SIK2: variants seen among roughly 807,000 people sequenced by gnomAD.
SIK2 encodes the protein serine/threonine-protein kinase SIK2.
In SIK2, 29 loss-of-function variants were observed where a neutral mutation model predicts 103.2. That is an observed-to-expected ratio of 0.28 (90% confidence interval 0.21 to 0.38). SIK2 has a LOEUF of 0.38. SIK2 is among the 10% of genes least tolerant of loss of function. The pLI is 1.00. For synonymous variants in SIK2, 412 were observed against 446.1 expected, an observed-to-expected ratio of 0.92 and a Z score of 0.96; for missense variants, 879 against 1,171.0, an observed-to-expected ratio of 0.75 and a Z score of 3.64.
intron 3 of SIK2, among the ~76,000 whole-genome samples, chr11:111,638,163 C>T (rs183255465): frequency 7.6e-4 from 115 of 152,300 alleles, no homozygotes; most frequent in Admixed American, 6.5e-3. Flanking sequence ...AGCCTGGTTG[C>T]CATAGTTTTG....
At chr11:111,721,373 A>G (rs1943796444) in intron 12 of SIK2, among the ~76,000 whole-genome samples, 1 of 152,050 alleles carries the variant, frequency 6.6e-6, no homozygotes, top group Admixed American at 6.5e-5. Flanking sequence ...TGCCACACAC[A>G]CACCCAAATG....
At chr11:111,672,042 C>G in intron 3 of SIK2, 1 of 515,828 alleles carries the variant, frequency 1.9e-6, no homozygotes. Flanking sequence ...CCTTGTTCTG[C>G]TGCTCCAGGA....
At chr11:111,614,196 C>T (rs937889820) in intron 1 of SIK2, among the ~76,000 whole-genome samples, 2 of 151,964 alleles carry the variant, frequency 1.3e-5, no homozygotes, top group Middle Eastern at 3.2e-3. Flanking sequence ...ATTCTCCTGC[C>T]TCAGTCTCCC....
At position 111,620,401 on chromosome 11, in the gene SIK2, T is replaced by C; in HGVS notation, c.315T>C (p.Phe105=). 10 of 1,587,734 alleles carry C rather than the reference T, an allele frequency of 6.3e-6. No homozygotes were observed. The highest frequency in any genetic ancestry group is 8.6e-6 in the Non-Finnish European group (10 of 1,167,758). ...VTEYAKNGEI[F]DYLANHGRLN... Reference sequence around the variant, plus strand: ...AATATGCCAAAAATGGAGAAATTTTTGGTAAGCTTTTTCCTTTAAATTTTC... The same window carrying C: ...AATATGCCAAAAATGGAGAAATTTTCGGTAAGCTTTTTCCTTTAAATTTTC... The change falls in exon 3 of 15, where the codon TTT becomes TTC. Residue 105 remains phenylalanine (F), a splice_region_variant and synonymous_variant. Coordinates refer to ENST00000304987, the MANE Select transcript of SIK2 (RefSeq NM_015191.3).
intron 12 of SIK2, 117 bp from the exon 13 acceptor site, chr11:111,721,713 A>T: frequency 1.5e-6 from 1 of 669,906 alleles, no homozygotes; most frequent in Non-Finnish European, 2.5e-6. Context: ...TTTGAGTATT[A>T]ATAAGTCTCA....
At chr11:111,629,006 T>C (rs1263071996) in intron 3 of SIK2, among the ~76,000 whole-genome samples, 1 of 152,050 alleles carries the variant, frequency 6.6e-6, no homozygotes, top group African/African-American at 2.4e-5. Context: ...AGGGAGTTTT[T>C]TAGGAAGATA....
intron 3 of SIK2, among the ~76,000 whole-genome samples, chr11:111,660,914 GGATTT>G (rs1027862627): frequency 2.2e-5 from 3 of 137,176 alleles, no homozygotes; most frequent in African/African-American, 8.0e-5. Flanking sequence ...TTCCCAGGCT[GGATTT>G]GAACTCCTGG....
intron 1 of SIK2, among the ~76,000 whole-genome samples, chr11:111,615,604 T>G (rs1277279049): frequency 1.3e-5 from 2 of 152,220 alleles, no homozygotes; most frequent in East Asian, 3.8e-4. Flanking sequence ...TTGGAATTGT[T>G]TGGGCTCCTC....
At chr11:111,618,337 A>C (rs1941835858) in intron 2 of SIK2, among the ~76,000 whole-genome samples, 1 of 152,164 alleles carries the variant, frequency 6.6e-6, no homozygotes, top group Non-Finnish European at 1.5e-5. Context: ...CCAGTCTGTG[A>C]CCCGGCGGTT....
intron 10 of SIK2, 118 bp downstream of exon 10, chr11:111,720,121 T>C: frequency 1.0e-6 from 1 of 995,512 alleles, no homozygotes; most frequent in South Asian, 1.5e-5. Context: ...CTTATTCCTT[T>C]ATGGATTAGA....
In SIK2 at chr11:111,720,968, T is replaced by C; in HGVS notation, c.1850T>C (p.Val617Ala). Reference protein sequence around the residue: ...RTKGILELNKVQLLYEQIGPE... With the variant: ...RTKGILELNKAQLLYEQIGPE... ...AAAGGAATTCTAGAGTTGAACAAAG[T>C]GCAGTTGTTGTATGAACAAATAGGA... Residue 617 changes from valine to alanine, a missense_variant, in exon 12 of 15, where the codon GTG (valine) becomes GCG (alanine). Physicochemically the swap from Val to Ala is moderately conservative, Grantham distance 64 (BLOSUM62 0). Coordinates refer to ENST00000304987, the MANE Select transcript of SIK2 (RefSeq NM_015191.3). 1 of 1,614,182 alleles carries C rather than the reference T, an allele frequency of 6.2e-7. No individual in the cohort carries two copies. The highest frequency in any genetic ancestry group is 8.5e-7 in the Non-Finnish European group (1 of 1,180,030).
At chr11:111,704,208 A>T (rs1477451063) in intron 7 of SIK2, among the ~76,000 whole-genome samples, 1 of 152,120 alleles carries the variant, frequency 6.6e-6, no homozygotes, top group Admixed American at 6.5e-5. Flanking sequence ...CTTGTCCATG[A>T]AGTGCATCCT....
intron 1 of SIK2, among the ~76,000 whole-genome samples, chr11:111,604,011 GC>G (rs1364533883): frequency 6.6e-6 from 1 of 152,220 alleles, no homozygotes; most frequent in Non-Finnish European, 1.5e-5. Context: ...TTTACTTTTT[GC>G]CTTCCCCTGC....
chr11:111,706,273 A>G (rs1943343584), intron 8 of SIK2, among the ~76,000 whole-genome samples: 1 of 152,226 alleles, frequency 6.6e-6, no homozygotes, highest in Admixed American at 6.5e-5. Context: ...CTGGGGAGGA[A>G]GGGACAATAT....
At chr11:111,644,732 C>T (rs1942232497) in intron 3 of SIK2, among the ~76,000 whole-genome samples, 1 of 152,180 alleles carries the variant, frequency 6.6e-6, no homozygotes, top group African/African-American at 2.4e-5. Flanking sequence ...TAAACTAACA[C>T]ACTTAAAAGC....
Position 111,606,956 on chromosome 11 carries a change from G to GAAA in SIK2, c.135+4269_135+4271dup, listed in dbSNP as rs61590310. ...TAGCAAGACCCAGTCTCATTAAAAA[G>GAAA]AAAAAAAAAAAAACTTATAAATAAA... On this transcript the variant is annotated intron_variant, in intron 1 of 14. Coordinates refer to ENST00000304987, the MANE Select transcript of SIK2 (RefSeq NM_015191.3). Among the ~76,000 whole-genome samples the GAAA allele has an allele frequency of 7.7e-3, 1,074 of 139,292 alleles. 5 individuals are homozygous for GAAA. Among genetic ancestry groups the GAAA allele is most frequent in the Non-Finnish European group, 0.01 (667 of 64,968 alleles). 91.4% of individuals were successfully genotyped at this position (139,292 alleles called of 152,430 possible).
chr11:111,688,281 T>G lies in SIK2; in HGVS notation c.478+119T>G. On this transcript the variant is annotated intron_variant, in intron 4 of 14. Coordinates refer to ENST00000304987, the MANE Select transcript of SIK2 (RefSeq NM_015191.3). The surrounding 1 kb of genome is among the most constrained non-coding windows in gnomAD (Gnocchi z 4.2). ...TTCTACCTGATGACATCAGGCTATC[T>G]CAAAGTCCATTTTATTCATTTCCTT... The G allele has an allele frequency of 1.1e-6, 1 of 947,694 alleles. No individual in the cohort carries two copies. The highest frequency in any genetic ancestry group is 1.6e-6 in the Non-Finnish European group (1 of 624,962). 58.7% of individuals were successfully genotyped at this position (947,694 alleles called of 1,614,324 possible). A position where few individuals can be genotyped will look rare whatever the true frequency, so the allele number is the denominator to read the frequency against.
intron 3 of SIK2, among the ~76,000 whole-genome samples, chr11:111,659,242 T>C (rs1219824761): frequency 6.6e-6 from 1 of 152,230 alleles, no homozygotes; most frequent in Non-Finnish European, 1.5e-5. Flanking sequence ...TGGAGACATT[T>C]TTTGTCTCTC....
intron 3 of SIK2, among the ~76,000 whole-genome samples, chr11:111,687,710 A>G (rs1365944526): frequency 6.6e-6 from 1 of 150,562 alleles, no homozygotes; most frequent in East Asian, 2.0e-4. Flanking sequence ...GGTTCACACC[A>G]TTCTCCTGCC....
Sources: gnomAD v4.1 joint callset for allele counts (sites outside exome capture counted in the v4.1 genomes callset) on GRCh38, gnomAD v4.1.1 for gene constraint, Gnocchi (gnomAD v3.1) non-coding constraint, MANE v1.5 for transcripts, NCBI Gene and HGNC (gene_info 2026-07-23, HGNC 2026-07-21) for gene names.